Variants in WDR45 observed in about 807,000 individuals in gnomAD.
WDR45 encodes the protein WD repeat domain 45, also known as WD repeat domain phosphoinositide-interacting protein 4.
In WDR45, 2 loss-of-function variants were observed where a neutral mutation model predicts 27.3. That is an observed-to-expected ratio of 0.07 (90% CI 0.03 to 0.23). The LOEUF is 0.23. Ranked by LOEUF, WDR45 falls within the 10% of genes least tolerant of loss-of-function variation. The pLI is 1.00. For missense variants in WDR45, 175 were observed against 311.9 expected (o/e 0.56, Z 3.31); for synonymous variants, 99 against 119.2 (o/e 0.83, Z 1.11).
chrX:49,086,611 C>T (rs782489370), intron 2 of WDR45, among the ~76,000 whole-genome samples: 3 of 109,944 alleles, frequency 2.7e-5, no homozygotes, highest in East Asian at 2.9e-4. Context: ...TTTTTTTCCC[C>T]GAGGCGGAGT....
chrX:49,082,623 T>C (rs782618464), upstream of WDR45, among the ~76,000 whole-genome samples: 1 of 111,895 alleles, frequency 8.9e-6, no homozygotes, highest in Non-Finnish European at 1.9e-5. Context: ...ATAATAATCT[T>C]GCCAAACCAG....
At chrX:49,082,636 A>G (rs937512695), upstream of WDR45, among the ~76,000 whole-genome samples, 3 of 111,337 alleles carry the variant, frequency 2.7e-5, no homozygotes, top group Non-Finnish European at 5.7e-5. Flanking sequence ...CAAACCAGCA[A>G]TCACTTCTCT....
chrX:49,098,270 G>A (rs1008571200), intron 2 of WDR45, among the ~76,000 whole-genome samples: 4 of 109,843 alleles, frequency 3.6e-5, no homozygotes, highest in African/African-American at 6.6e-5. Flanking sequence ...TGAGGTGGGC[G>A]GATCACTTGA....
upstream of WDR45, among the ~76,000 whole-genome samples, chrX:49,081,530 G>GA (rs782310285): frequency 5.6e-3 from 337 of 60,613 alleles, no homozygotes; most frequent in African/African-American, 0.017. Flanking sequence ...ACTCTGTCTC[G>GA]AAAAAAAAAA....
upstream of WDR45, among the ~76,000 whole-genome samples, chrX:49,084,813 T>A (rs1484022332): frequency 2.7e-5 from 3 of 110,144 alleles, no homozygotes; most frequent in African/African-American, 3.3e-5. Context: ...TTTTATATTT[T>A]TAGTAGAGAT....
intron 2 of WDR45, among the ~76,000 whole-genome samples, chrX:49,085,995 A>AT (rs1340495943): frequency 1.2e-4 from 13 of 112,040 alleles, no homozygotes; most frequent in African/African-American, 2.9e-4. Context: ...TCAAAACATG[A>AT]TTTTTTTTAA....
At chrX:49,099,819 A>C (rs965899914) in intron 2 of WDR45, among the ~76,000 whole-genome samples, 3 of 109,069 alleles carry the variant, frequency 2.8e-5, no homozygotes. Context: ...AAAAACACAC[A>C]GTGTTTCTTG....
At chrX:49,088,677 A>C (rs2065094486) in intron 2 of WDR45, among the ~76,000 whole-genome samples, 1 of 112,130 alleles carries the variant, frequency 8.9e-6, no homozygotes, top group South Asian at 3.6e-4. Context: ...CACAACAAAG[A>C]ATACACACTT....
At chrX:49,095,753 C>A (rs1349536580) in intron 2 of WDR45, among the ~76,000 whole-genome samples, 1 of 87,591 alleles carries the variant, frequency 1.1e-5, no homozygotes, top group Non-Finnish European at 2.2e-5. Flanking sequence ...AGCCACCGTG[C>A]CCGGCCTTTT....
upstream of WDR45, among the ~76,000 whole-genome samples, chrX:49,084,152 C>T (rs1412071156): frequency 2.0e-5 from 2 of 98,841 alleles, no homozygotes; most frequent in African/African-American, 3.7e-5. Context: ...TGGGTTCAAA[C>T]GATTTGCCTG....
At chrX:49,094,484 T>A (rs140740868) in intron 2 of WDR45, among the ~76,000 whole-genome samples, 1,489 of 110,995 alleles carry the variant, frequency 0.013, 25 homozygotes, top group African/African-American at 0.047. Flanking sequence ...AAAAATTTTT[T>A]TTTTTGTAGA....
At chrX:49,098,199 A>G (rs1427997647) in intron 2 of WDR45, among the ~76,000 whole-genome samples, 1 of 110,760 alleles carries the variant, frequency 9.0e-6, no homozygotes, top group Non-Finnish European at 1.9e-5. Flanking sequence ...CTCTCTCTTT[A>G]AAAAAGATAA....
At position 49,076,661 on chromosome X, in the gene WDR45, G is replaced by A. The variant is rs369310756; in HGVS notation, c.325C>T (p.Arg109Cys). The A allele has an allele frequency of 2.3e-5, 28 of 1,209,070 alleles. No homozygotes were observed. The highest frequency in any genetic ancestry group is 5.3e-5 in the South Asian group (3 of 56,670). The change falls in exon 5 of 11, where the codon CGC (arginine) becomes TGC (cysteine). Residue 109 changes from arginine (R) to cysteine (C), a missense_variant. Coordinates refer to ENST00000376372, the MANE Select transcript of WDR45 (RefSeq NM_001029896.2). The part of the protein sequence containing the change: ...FTFTKPVLSV[R>C]MRHDKIVIVL... ...CAGGCTCACTTGTCATGGCGCATGC[G>A]CACAGAAAGCACTGGCTTGGTGAAG... is the stretch of plus-strand genomic sequence containing the variant.
At chrX:49,079,014 CA>C (rs2065054197) in intron 1 of WDR45, 1 of 111,671 alleles carries the variant, frequency 9.0e-6, no homozygotes, top group Admixed American at 9.5e-5. Context: ...CCGGCTTCCC[CA>C]AACTCCTTCA....
At chrX:49,100,058 C>A (rs949594601) in intron 2 of WDR45, 13 of 110,170 alleles carry the variant, frequency 1.2e-4, no homozygotes, top group African/African-American at 4.3e-4. Flanking sequence ...ATCAACAGTC[C>A]CCTGTCCCTT....
chrX:49,076,756 GGGCA>G lies in WDR45; in HGVS notation c.236-10_236-7del. The G allele has an allele frequency of 8.4e-7, 1 of 1,196,304 alleles. No homozygotes were observed. The highest frequency in any genetic ancestry group is 1.8e-5 in the South Asian group (1 of 55,224). ...GGCATCGTCCCAGATCAGCACTGCT[GGGCA>G]GGTGGGTGGGTTGTCGGGGCCAAGG... On this transcript the variant is annotated splice_region_variant and splice_polypyrimidine_tract_variant and intron_variant, in intron 4 of 10. Coordinates refer to ENST00000376372, the MANE Select transcript of WDR45 (RefSeq NM_001029896.2).
chrX:49,086,267 C>T (rs183673950), intron 2 of WDR45, among the ~76,000 whole-genome samples: 1 of 111,429 alleles, frequency 9.0e-6, no homozygotes, highest in East Asian at 2.8e-4. Flanking sequence ...ATTCTCCTGC[C>T]TCAGCCTCCT....
intron 4 of WDR45, chrX:49,077,317 A>G (rs781958492): frequency 4.5e-5 from 13 of 286,219 alleles, no homozygotes; most frequent in African/African-American, 3.0e-4. Flanking sequence ...CCTCATCGGT[A>G]AAGATGGGGA....
chrX:49,089,786 CAAAAAAAA>C (rs782204856), intron 2 of WDR45, among the ~76,000 whole-genome samples: 2 of 72,975 alleles, frequency 2.7e-5, no homozygotes, highest in Non-Finnish European at 4.9e-5. Flanking sequence ...AACCTTATCT[CAAAAAAAA>C]AAAAAAAAAG....
Sources: allele counts gnomAD v4.1 joint callset (sites outside exome capture counted in the v4.1 genomes callset), GRCh38; gene constraint gnomAD v4.1.1; transcripts MANE v1.5; gene names NCBI Gene and HGNC (gene_info 2026-07-23, HGNC 2026-07-21).